CALN1: variants seen among roughly 807,000 people sequenced by gnomAD.
CALN1 encodes the protein calcium-binding protein 8.
Under a neutral mutation model 30.6 loss-of-function variants are expected in CALN1, and 17 were observed. The ratio of observed to expected loss-of-function variants is 0.56; its 90% CI spans 0.38 to 0.83. CALN1 has a LOEUF of 0.83. Among genes scored for constraint, CALN1 ranks in the 40% least tolerant of loss-of-function variants. The pLI, the probability that CALN1 is intolerant of heterozygous loss-of-function variation, is 0.00. For missense variants in CALN1, 291 were observed against 354.9 expected, an observed-to-expected ratio of 0.82 and a Z score of 1.45; for synonymous variants, 156 against 131.4, an observed-to-expected ratio of 1.19 and a Z score of -1.28.
intron 5 of CALN1, among the ~76,000 whole-genome samples, chr7:71,886,665 T>C (rs754548419): frequency 1.3e-5 from 2 of 150,300 alleles, no homozygotes; most frequent in Non-Finnish European, 3.0e-5. Context: ...CCCAGCTACT[T>C]GGGAGGCTGA....
chr7:72,034,130 T>G (rs369561717), intron 4 of CALN1, among the ~76,000 whole-genome samples: 17 of 150,104 alleles, frequency 1.1e-4, no homozygotes, highest in Non-Finnish European at 1.5e-4. Flanking sequence ...GAGGTGGGCG[T>G]ATCACAAGGT....
At position 72,308,556 on chromosome 7, in the gene CALN1, C is replaced by T. The variant is rs147508707; in HGVS notation, c.120-29746G>A. On this transcript the variant is annotated intron_variant, in intron 2 of 6. Coordinates refer to ENST00000395275, the MANE Select transcript of CALN1 (RefSeq NM_031468.4). Reference sequence around the variant, plus strand: ...ATGCACGAATGAATGAATGAATGAACGATATGAGGGATCCTGTCCCCCTGG... The same window carrying T: ...ATGCACGAATGAATGAATGAATGAATGATATGAGGGATCCTGTCCCCCTGG... Among the ~76,000 whole-genome samples the T allele has an allele frequency of 9.8e-3, 1,491 of 152,120 alleles. 25 individuals carry two copies. Among genetic ancestry groups the T allele is most frequent in the African/African-American group, 0.034 (1,394 of 41,440 alleles).
At chr7:71,955,162 A>G (rs1434719132) in intron 5 of CALN1, among the ~76,000 whole-genome samples, 1 of 152,150 alleles carries the variant, frequency 6.6e-6, no homozygotes, top group Non-Finnish European at 1.5e-5. Flanking sequence ...GGCGGCAGGC[A>G]GGAGAGAGTG....
chr7:71,908,306 T>G (rs1326703572), intron 5 of CALN1, among the ~76,000 whole-genome samples: 1 of 152,008 alleles, frequency 6.6e-6, no homozygotes, highest in Non-Finnish European at 1.5e-5. Flanking sequence ...ATATAATTCT[T>G]TTTAAAATCA....
intron 4 of CALN1, among the ~76,000 whole-genome samples, chr7:72,081,205 CTG>C (rs1805113399): frequency 6.6e-6 from 1 of 152,114 alleles, no homozygotes; most frequent in Non-Finnish European, 1.5e-5. Flanking sequence ...TTGACACAAA[CTG>C]TACCACAGAA....
intron 1 of CALN1, among the ~76,000 whole-genome samples, chr7:72,438,151 T>A (rs1427489627): frequency 1.3e-5 from 2 of 151,332 alleles, no homozygotes; most frequent in African/African-American, 4.9e-5. Context: ...TTCGTTTTTC[T>A]TTTTATTTTT....
chr7:71,819,800 T>C (rs1788489593), intron 5 of CALN1, among the ~76,000 whole-genome samples: 1 of 152,140 alleles, frequency 6.6e-6, no homozygotes, highest in Non-Finnish European at 1.5e-5. Context: ...GCCCTCAAGG[T>C]TCATCCATGT....
chr7:72,280,627 A>G (rs1378249278), intron 2 of CALN1, among the ~76,000 whole-genome samples: 1 of 152,172 alleles, frequency 6.6e-6, no homozygotes, highest in African/African-American at 2.4e-5. Flanking sequence ...CTTAAGGCCA[A>G]TCCTGATTTC....
At chr7:72,173,830 A>G (rs1009210151) in intron 3 of CALN1, among the ~76,000 whole-genome samples, 13 of 152,182 alleles carry the variant, frequency 8.5e-5, no homozygotes, top group African/African-American at 3.1e-4. Context: ...CAAAAACTAT[A>G]AAACATTGGG....
intron 3 of CALN1, among the ~76,000 whole-genome samples, chr7:72,162,322 C>T (rs1403747557): frequency 1.3e-5 from 2 of 151,940 alleles, no homozygotes; most frequent in East Asian, 1.9e-4. Context: ...AACCCTCCTA[C>T]AGATAACAGC....
intron 3 of CALN1, among the ~76,000 whole-genome samples, chr7:72,189,194 T>C (rs1175775160): frequency 6.6e-6 from 1 of 152,208 alleles, no homozygotes; most frequent in African/African-American, 2.4e-5. Flanking sequence ...ATTATCATGA[T>C]AGGAAATTGA....
intron 5 of CALN1, among the ~76,000 whole-genome samples, chr7:71,976,894 T>G (rs1237506076): frequency 6.6e-6 from 1 of 152,180 alleles, no homozygotes; most frequent in Admixed American, 6.5e-5. Context: ...AATTTGCACG[T>G]GCAACCCGTG....
At chr7:72,284,618 G>A (rs767417734) in intron 2 of CALN1, among the ~76,000 whole-genome samples, 16 of 152,166 alleles carry the variant, frequency 1.1e-4, no homozygotes, top group Non-Finnish European at 1.9e-4. Flanking sequence ...TGGTACATCA[G>A]TCTTAATTCT....
intron 5 of CALN1, among the ~76,000 whole-genome samples, chr7:71,894,954 A>T (rs1223897628): frequency 6.6e-6 from 1 of 152,020 alleles, no homozygotes; most frequent in African/African-American, 2.4e-5. Flanking sequence ...GCTACCTTGA[A>T]TTTCATTTTC....
chr7:71,963,511 G>C (rs369367201), intron 5 of CALN1, among the ~76,000 whole-genome samples: 58 of 151,902 alleles, frequency 3.8e-4, no homozygotes, highest in African/African-American at 1.4e-3. Context: ...TGCCATGTTG[G>C]CCAGGCTGGT....
chr7:72,378,026 T>C (rs550712883), intron 2 of CALN1, among the ~76,000 whole-genome samples: 1 of 152,278 alleles, frequency 6.6e-6, no homozygotes, highest in Non-Finnish European at 1.5e-5. Context: ...CTGAACTTTT[T>C]GATTAGTCTG....
chr7:72,403,050 T>G (rs1037156951), intron 2 of CALN1, among the ~76,000 whole-genome samples: 6 of 152,072 alleles, frequency 3.9e-5, no homozygotes, highest in African/African-American at 1.4e-4. Flanking sequence ...CTTCATCCCA[T>G]CCACACATCT....
intron 3 of CALN1, among the ~76,000 whole-genome samples, chr7:72,266,139 GA>G (rs1414514805): frequency 5.6e-4 from 81 of 144,058 alleles, no homozygotes; most frequent in South Asian, 2.4e-3. Flanking sequence ...ATCTCAGGAA[GA>G]AAAAAAAAAA....
the CALN1 span, among the ~76,000 whole-genome samples, chr7:72,466,864 G>A: frequency 0.18 from 5,831 of 33,162 alleles, 367 homozygotes; most frequent in African/African-American, 0.44. Context: ...GAAAGAGAAA[G>A]AAAAAGAAAG....
Sources: gnomAD v4.1 joint callset for allele counts (sites outside exome capture counted in the v4.1 genomes callset) on GRCh38, gnomAD v4.1.1 for gene constraint, MANE v1.5 for transcripts, NCBI Gene and HGNC (gene_info 2026-07-23, HGNC 2026-07-21) for gene names.